The following IKBKB variants were observed in gnomAD, a reference collection of about 807,000 sequenced individuals.
IKBKB encodes the protein inhibitor of nuclear factor kappa-B kinase subunit beta.
IKBKB carries 42 observed loss-of-function variants against 113.6 expected under a neutral mutation model. The ratio of observed to expected loss-of-function variants is 0.37; its 90% CI spans 0.29 to 0.48. IKBKB has a LOEUF of 0.48. IKBKB is among the 20% of genes least tolerant of loss of function. The probability of loss-of-function intolerance (pLI) is 0.99; values close to 1 mark genes in which losing one functional copy is unlikely to be tolerated. For synonymous variants in IKBKB, 296 were observed against 361.3 expected, an observed-to-expected ratio of 0.82 and a Z score of 2.05; for missense variants, 673 against 939.7, an observed-to-expected ratio of 0.72 and a Z score of 3.71.
rs938312432 is a variant in IKBKB at position 42,273,749 on chromosome 8, C to T, written c.105+1544C>T. Among the ~76,000 whole-genome samples the T allele has an allele frequency of 7.9e-5, 12 of 151,914 alleles. No homozygotes were observed. In the East Asian group the frequency reaches 2.1e-3, roughly 27 times the overall value. The stretch of plus-strand genomic sequence containing the variant: ...TTATTTTTTGTAGTGATGGTGGTCT[C>T]ACAATGTTGTCCAGGCTCGTCTAGA... On this transcript the variant is annotated intron_variant, in intron 2 of 21. Transcript: ENST00000520810.
At chr8:42,299,703 T>C (rs1358598930) in intron 5 of IKBKB, among the ~76,000 whole-genome samples, 2 of 152,226 alleles carry the variant, frequency 1.3e-5, no homozygotes, top group Non-Finnish European at 2.9e-5. Context: ...CAAACCCACC[T>C]GTCCCTTGCT....
At chr8:42,312,121 C>A (rs942372971) in intron 8 of IKBKB, among the ~76,000 whole-genome samples, 1 of 152,154 alleles carries the variant, frequency 6.6e-6, no homozygotes, top group Non-Finnish European at 1.5e-5. Flanking sequence ...CTCCTGACCT[C>A]GTGAACTGCC....
chr8:42,294,995 T>G (rs1188835800), intron 5 of IKBKB, among the ~76,000 whole-genome samples: 1 of 152,186 alleles, frequency 6.6e-6, no homozygotes, highest in Non-Finnish European at 1.5e-5. Context: ...ATTTTTATTT[T>G]GTTTCTCTTT....
intron 5 of IKBKB, among the ~76,000 whole-genome samples, chr8:42,295,472 A>G (rs550605125): frequency 1.2e-4 from 19 of 152,292 alleles, no homozygotes; most frequent in African/African-American, 4.3e-4. Flanking sequence ...CACGCCTGCA[A>G]TCCCAGCACT....
intron 5 of IKBKB, among the ~76,000 whole-genome samples, chr8:42,303,527 A>G (rs1368924718): frequency 1.3e-5 from 2 of 149,844 alleles, no homozygotes; most frequent in Non-Finnish European, 3.0e-5. Flanking sequence ...TTTTTTAGGT[A>G]GAGTCTTACT....
chr8:42,302,752 G>A (rs1585678933), intron 5 of IKBKB, among the ~76,000 whole-genome samples: 1 of 139,300 alleles, frequency 7.2e-6, no homozygotes, highest in South Asian at 2.2e-4. Context: ...GAATATGCCA[G>A]TATTCCAAAA....
chr8:42,306,531 G>A (rs1041331587), intron 7 of IKBKB, 99 bp downstream of exon 7: 19 of 788,698 alleles, frequency 2.4e-5, no homozygotes, highest in African/African-American at 2.2e-4. Flanking sequence ...GAGTCCCACC[G>A]GCTCTCTGAA....
In IKBKB at chr8:42,316,690, A is replaced by G. The variant is rs1818743077; in HGVS notation, c.931-20A>G. On this transcript the variant is annotated intron_variant, in intron 10 of 21. Coordinates refer to ENST00000520810, the MANE Select transcript of IKBKB (RefSeq NM_001556.3). The surrounding 1 kb of genome is among the most constrained non-coding windows in gnomAD (Gnocchi z 4.5). ...CCTTGAAGAAATCGGTTTTCCAGTA[A>G]CATCTGGGTTGTGTTGCAGCTGGTT... is the stretch of plus-strand genomic sequence containing the variant. 1 of 1,593,460 alleles carries G rather than the reference A, an allele frequency of 6.3e-7. No individual in the cohort carries two copies. Among genetic ancestry groups the G allele is most frequent in the African/African-American group, 1.3e-5 (1 of 74,248 alleles).
At chr8:42,272,275 G>A in intron 2 of IKBKB, 70 bp downstream of exon 2, 1 of 1,606,056 alleles carries the variant, frequency 6.2e-7, no homozygotes, top group Non-Finnish European at 8.5e-7. Flanking sequence ...CACTTTCTCT[G>A]ATCCTGCTGG....
intron 2 of IKBKB, 152 bp from the exon 3 acceptor site, chr8:42,288,482 G>C: frequency 1.9e-6 from 1 of 528,418 alleles, no homozygotes. Flanking sequence ...CAGGTGCTAC[G>C]TGGCTGTCGA....
chr8:42,282,702 G>A (rs1810617347), intron 2 of IKBKB, among the ~76,000 whole-genome samples: 1 of 152,168 alleles, frequency 6.6e-6, no homozygotes, highest in African/African-American at 2.4e-5. Flanking sequence ...AACTCCCTGG[G>A]GTTTCAGAAC....
At chr8:42,317,878 T>G in intron 12 of IKBKB, 107 bp downstream of exon 12, 4 of 787,836 alleles carry the variant, frequency 5.1e-6, no homozygotes, top group East Asian at 2.6e-5. Context: ...TAAAGGAAAT[T>G]AATATCGCCA....
At chr8:42,284,852 CTTTTTTT>C (rs559953662) in intron 2 of IKBKB, among the ~76,000 whole-genome samples, 3 of 116,094 alleles carry the variant, frequency 2.6e-5, no homozygotes, top group South Asian at 2.8e-4. Flanking sequence ...AAACGTTATT[CTTTTTTT>C]TTTTTTTTTT....
At chr8:42,291,473 G>A (rs1036736619) in intron 4 of IKBKB, among the ~76,000 whole-genome samples, 20 of 152,172 alleles carry the variant, frequency 1.3e-4, no homozygotes, top group African/African-American at 3.4e-4. Context: ...GAGCCACTGC[G>A]CCCAGCCAAC....
Position 42,316,366 on chromosome 8 carries a change from A to G in IKBKB, c.930+27A>G. 1 of 1,613,644 alleles carries G rather than the reference A, an allele frequency of 6.2e-7. No homozygotes were observed. Among genetic ancestry groups the G allele is most frequent in the Non-Finnish European group, 8.5e-7 (1 of 1,179,670 alleles). On this transcript the variant is annotated intron_variant, in intron 10 of 21. Coordinates refer to ENST00000520810, the MANE Select transcript of IKBKB (RefSeq NM_001556.3). The surrounding 1 kb of genome is among the most constrained non-coding windows in gnomAD (Gnocchi z 4.5). ...TGAGTGTGGAGCCAAGTTAGCCCTGAGGCAAAAGCTGGGGTCCCCAGTGGA... is the reference window on the plus strand; with the variant it reads ...TGAGTGTGGAGCCAAGTTAGCCCTGGGGCAAAAGCTGGGGTCCCCAGTGGA...
In IKBKB at chr8:42,316,646, G is replaced by A. The variant is rs1454768670; in HGVS notation, c.931-64G>A. The A allele has an allele frequency of 2.0e-6, 3 of 1,471,734 alleles. No homozygotes were observed. The highest frequency in any genetic ancestry group is 2.8e-6 in the Non-Finnish European group (3 of 1,079,076). 91.2% of individuals were successfully genotyped at this position (1,471,734 alleles called of 1,614,324 possible). A position where few individuals can be genotyped will look rare whatever the true frequency, so the allele number is the denominator to read the frequency against. On this transcript the variant is annotated intron_variant, in intron 10 of 21. Coordinates refer to ENST00000520810, the MANE Select transcript of IKBKB (RefSeq NM_001556.3). The surrounding 1 kb of genome is among the most constrained non-coding windows in gnomAD (Gnocchi z 4.5). ...TTGGGAGTAGCAGAGAGAGGACCTA[G>A]GCAAATAGATGGGCATTTCCTTGAA...
At chr8:42,280,618 A>G (rs945496795) in intron 2 of IKBKB, among the ~76,000 whole-genome samples, 1 of 152,130 alleles carries the variant, frequency 6.6e-6, no homozygotes, top group African/African-American at 2.4e-5. Flanking sequence ...TGGGTCCCCA[A>G]CATGGCTGGG....
intron 2 of IKBKB, among the ~76,000 whole-genome samples, chr8:42,277,480 G>T (rs925569273): frequency 1.3e-5 from 2 of 152,018 alleles, no homozygotes; most frequent in Non-Finnish European, 2.9e-5. Context: ...ACTAACAGGC[G>T]CCTGGCCTGT....
Position 42,330,952 on chromosome 8 carries a change from G to A in IKBKB, c.2244G>A (p.Glu748=), listed in dbSNP as rs1320943714. Residue 748 remains glutamate (E), a synonymous_variant, in exon 22 of 22, where the codon GAG becomes GAA. Transcript: ENST00000520810. ...GCTGGTTACAGACGGAAGAAGAAGA[G>A]CACAGCTGCCTGGAGCAGGCCTCAT... ...DWSWLQTEEE[E]HSCLEQAS 6.2e-7 allele frequency: 1 copy of A among 1,614,218 alleles called. No homozygotes were observed. Among genetic ancestry groups the A allele is most frequent in the South Asian group, 1.1e-5 (1 of 91,088 alleles).
Sources: allele counts gnomAD v4.1 joint callset (sites outside exome capture counted in the v4.1 genomes callset), GRCh38; gene constraint gnomAD v4.1.1; non-coding constraint Gnocchi (gnomAD v3.1); transcripts MANE v1.5; gene names NCBI Gene and HGNC (gene_info 2026-07-23, HGNC 2026-07-21).